ATAD2: variants seen among roughly 807,000 people sequenced by gnomAD.
ATAD2 encodes ATPase family AAA domain containing 2, also known as ATPase family AAA domain-containing protein 2.
A neutral mutation model predicts 168.9 loss-of-function variants in ATAD2; 62 were observed. That is an observed-to-expected ratio of 0.37 (90% confidence interval 0.30 to 0.45). The LOEUF (loss-of-function observed/expected upper bound fraction) is 0.45, where lower values mean the gene tolerates loss of function less well. ATAD2 is among the 20% of genes least tolerant of loss of function. The probability of loss-of-function intolerance (pLI) is 1.00; values close to 1 mark genes in which losing one functional copy is unlikely to be tolerated. For missense variants in ATAD2, 1,419 were observed against 1,667.8 expected (o/e 0.85, Z 2.60); for synonymous variants, 613 against 571.6 (o/e 1.07, Z -1.03).
At chr8:123,400,019 C>G (rs745843683), upstream of ATAD2, among the ~76,000 whole-genome samples, 1 of 151,962 alleles carries the variant, frequency 6.6e-6, no homozygotes, top group Non-Finnish European at 1.5e-5. The surrounding 1 kb of genome is among the most constrained non-coding windows in gnomAD (Gnocchi z 4.5). Flanking sequence ...CAAAAATTAG[C>G]CAGGCATGGT....
chr8:123,361,814 A>G (rs1828834697), intron 8 of ATAD2, among the ~76,000 whole-genome samples, 168 bp from the exon 9 acceptor site: 1 of 152,212 alleles, frequency 6.6e-6, no homozygotes, highest in African/African-American at 2.4e-5. Context: ...AAATGGAATA[A>G]AAGACTTAAA....
chr8:123,401,812 G>C, intron 1 of ATAD2: 1 of 756,460 alleles, frequency 1.3e-6, no homozygotes, highest in South Asian at 1.4e-5. Context: ...GCACAGGCTT[G>C]CTGGATGCCA....
chr8:123,370,911 C>G lies in ATAD2; in HGVS notation c.719G>C (p.Gly240Ala), dbSNP rs886446854. 1.2e-6 allele frequency: 2 copies of G among 1,604,204 alleles called. No individual in the cohort carries two copies. Among genetic ancestry groups the G allele is most frequent in the Non-Finnish European group, 1.7e-6 (2 of 1,174,666 alleles). The change falls in exon 6 of 28, where the codon GGC becomes GCC. Residue 240 changes from glycine (G) to alanine (A), a missense_variant. Around this residue, in one of 5 missense-constraint regions of ATAD2, gnomAD observed 419 missense variants for 423.5 expected, o/e 0.99. Transcript: ENST00000287394. ...TDEETTDNQE[G>A]SVESSEEGED... ...CAAGAGAAGAGACTAACCCACACTG[C>G]CTTCTTGATTATCAGTTGTTTCTTC...
At chr8:123,412,461 C>T (rs187991587) in intron 1 of ATAD2, among the ~76,000 whole-genome samples, 1 of 152,218 alleles carries the variant, frequency 6.6e-6, no homozygotes, top group East Asian at 1.9e-4. Context: ...AGATGAGGGT[C>T]TCACTCTGTT....
At position 123,408,806 on chromosome 8, in the gene ATAD2, C is replaced by T. The variant is rs909580926; in HGVS notation, c.-2282+7442G>A. 5.9e-5 allele frequency among the ~76,000 whole-genome samples: 9 copies of T among 151,414 alleles called. No individual in the cohort carries two copies. The South Asian group carries it at 1.5e-3, about 25-fold the overall frequency. On this transcript the variant is annotated intron_variant, in intron 1 of 28. Coordinates refer to the ATAD2 transcript ENST00000521903. ...TGTTGGGATTACAGGCGTGAGCCAC[C>T]GTGCCCGGCCTGGAAGATATATTCT...
At chr8:123,327,835 T>C (rs889811025) in intron 25 of ATAD2, among the ~76,000 whole-genome samples, 1 of 152,150 alleles carries the variant, frequency 6.6e-6, no homozygotes, top group Admixed American at 6.5e-5. Context: ...AATGAAAGGG[T>C]ATCATATACT....
intron 13 of ATAD2, among the ~76,000 whole-genome samples, chr8:123,355,499 C>T (rs1828613370): frequency 6.6e-6 from 1 of 152,140 alleles, no homozygotes; most frequent in African/African-American, 2.4e-5. Flanking sequence ...GGATAAGCAA[C>T]TAATCATGGG....
At position 123,345,047 on chromosome 8, in the gene ATAD2, G is replaced by A. The variant is rs761619978; in HGVS notation, c.2555C>T (p.Thr852Ile). 2.0e-5 allele frequency: 33 copies of A among 1,609,942 alleles called. No homozygotes were observed. Among genetic ancestry groups the A allele is most frequent in the Non-Finnish European group, 2.7e-5 (32 of 1,176,864 alleles). ...AGGAACATACACTATACTTGGTGCT[G>A]TTCTCTTAGCTTCACGAATCACCTA... ...CAQVIREAKR[T>I]APSIVYVPHI... Residue 852 changes from threonine (T) to isoleucine (I), a missense_variant, in exon 19 of 28, where the codon ACA becomes ATA. This residue lies in a region of ATAD2 where 545 missense variants were observed against 724.9 expected (regional missense o/e 0.75). Transcript: ENST00000287394.
At chr8:123,408,390 T>C (rs1462528448) in intron 1 of ATAD2, among the ~76,000 whole-genome samples, 2 of 152,234 alleles carry the variant, frequency 1.3e-5, no homozygotes, top group East Asian at 3.8e-4. Flanking sequence ...GCTGCTCCTA[T>C]CTGAGGCATT....
In ATAD2 at chr8:123,369,188, AATATAT is replaced by A; in HGVS notation, c.932-19_932-14del. ...TGGTGACGAGGTTCTAAAAAAAAGAAATATATATATATATTTGTATATATATATATA... is the reference window on the plus strand; with the variant it reads ...TGGTGACGAGGTTCTAAAAAAAAGAAATATATATTTGTATATATATATATA... On this transcript the variant is annotated splice_polypyrimidine_tract_variant and intron_variant, in intron 7 of 27. Coordinates refer to ENST00000287394, the MANE Select transcript of ATAD2 (RefSeq NM_014109.4). 9.2e-7 allele frequency: 1 copy of A among 1,083,578 alleles called. No homozygotes were observed. The highest frequency in any genetic ancestry group is 1.3e-6 in the Non-Finnish European group (1 of 787,508). The allele number at this position is 1,083,578 out of a possible 1,614,324, so 67.1% of individuals were successfully genotyped here.
At chr8:123,372,892 CTTT>C (rs766308467) in intron 2 of ATAD2, among the ~76,000 whole-genome samples, 24 of 137,926 alleles carry the variant, frequency 1.7e-4, no homozygotes, top group Middle Eastern at 7.5e-3. Context: ...ATCCAGCTAA[CTTT>C]TTTTTTTTTT....
intron 24 of ATAD2, among the ~76,000 whole-genome samples, chr8:123,333,409 CAAAAAAAAAAA>C (rs35820976): frequency 4.9e-5 from 3 of 61,712 alleles, no homozygotes; most frequent in Non-Finnish European, 9.2e-5. Flanking sequence ...GACTCCGTCT[CAAAAAAAAAAA>C]AAAAAAAAAA....
At chr8:123,324,902 A>G (rs970839290) in intron 26 of ATAD2, among the ~76,000 whole-genome samples, 2 of 151,938 alleles carry the variant, frequency 1.3e-5, no homozygotes, top group African/African-American at 4.8e-5. Context: ...CCTACCACAG[A>G]TCCTTGGATA....
intron 9 of ATAD2, among the ~76,000 whole-genome samples, chr8:123,360,004 A>C (rs1828765281): frequency 6.6e-6 from 1 of 152,224 alleles, no homozygotes; most frequent in Non-Finnish European, 1.5e-5. Context: ...GAGGTGTCTA[A>C]CACAGACAGG....
intron 24 of ATAD2, among the ~76,000 whole-genome samples, chr8:123,329,257 T>G (rs1397848787): frequency 6.6e-6 from 1 of 152,162 alleles, no homozygotes; most frequent in East Asian, 1.9e-4. Context: ...GCATTTATCA[T>G]GTACTAGAAA....
chr8:123,348,541 G>A (rs1586872116), intron 14 of ATAD2, among the ~76,000 whole-genome samples: 1 of 152,158 alleles, frequency 6.6e-6, no homozygotes, highest in East Asian at 1.9e-4. Flanking sequence ...GCTGGGCGTG[G>A]TAGCATGTGC....
At chr8:123,348,401 G>A in intron 14 of ATAD2, 128 bp from the exon 15 acceptor site, 1 of 664,136 alleles carries the variant, frequency 1.5e-6, no homozygotes, top group Non-Finnish European at 2.3e-6. Flanking sequence ...TACTGGCCGG[G>A]TGCGGTGGCT....
chr8:123,345,514 A>G (rs1172475240), intron 18 of ATAD2, among the ~76,000 whole-genome samples: 1 of 150,956 alleles, frequency 6.6e-6, no homozygotes, highest in Non-Finnish European at 1.5e-5. Context: ...TACAAAAAAA[A>G]AAAAAAAAAA....
chr8:123,396,716 T>G (rs1240716744), upstream of ATAD2, among the ~76,000 whole-genome samples: 1 of 152,042 alleles, frequency 6.6e-6, no homozygotes. Context: ...GAGCGGTGCG[T>G]AGCCCGTTTG....
Sources: gnomAD v4.1 joint callset for allele counts (sites outside exome capture counted in the v4.1 genomes callset) on GRCh38, gnomAD v4.1.1 for gene constraint, gnomAD v4.1.1 regional missense constraint, Gnocchi (gnomAD v3.1) non-coding constraint, MANE v1.5 for transcripts, NCBI Gene and HGNC (gene_info 2026-07-23, HGNC 2026-07-21) for gene names.